HPSE2: variants seen among roughly 807,000 people sequenced by gnomAD.
The protein encoded by HPSE2 is heparanase 2 (inactive).
Under a neutral mutation model 60.5 loss-of-function variants are expected in HPSE2, and 38 were observed. That is an observed-to-expected ratio of 0.63 (90% CI 0.48 to 0.82). The LOEUF (loss-of-function observed/expected upper bound fraction) is 0.82, where lower values mean the gene tolerates loss of function less well. Among genes scored for constraint, HPSE2 ranks in the 40% least tolerant of loss-of-function variants. The pLI is 0.00. For synonymous variants in HPSE2, 295 were observed against 293.2 expected (o/e 1.01, Z -0.06); for missense variants, 713 against 740.4 (o/e 0.96, Z 0.43).
chr10:99,299,330 C>T, the HPSE2 span, among the ~76,000 whole-genome samples: 1 of 152,210 alleles, frequency 6.6e-6, no homozygotes, highest in African/African-American at 2.4e-5. Flanking sequence ...CTTGTGTCTA[C>T]TGCAGGAGGC....
At chr10:99,305,377 A>G in the HPSE2 span, among the ~76,000 whole-genome samples, 3 of 152,234 alleles carry the variant, frequency 2.0e-5, no homozygotes, top group Admixed American at 2.0e-4. Flanking sequence ...TCCTAGGAAC[A>G]GGGAAACAAA....
At chr10:98,903,320 T>C (rs536405955) in intron 3 of HPSE2, among the ~76,000 whole-genome samples, 5 of 152,042 alleles carry the variant, frequency 3.3e-5, no homozygotes, top group African/African-American at 1.2e-4. Context: ...ATTTTTGGAG[T>C]AGTGAAAATG....
chr10:98,699,063 C>T (rs1948323861), intron 5 of HPSE2, among the ~76,000 whole-genome samples: 1 of 150,994 alleles, frequency 6.6e-6, no homozygotes, highest in Non-Finnish European at 1.5e-5. Context: ...ACCAGAGGTA[C>T]AAGGAGGAAC....
chr10:98,695,387 A>C (rs1386420413), intron 5 of HPSE2, among the ~76,000 whole-genome samples: 1 of 152,192 alleles, frequency 6.6e-6, no homozygotes, highest in Admixed American at 6.5e-5. Flanking sequence ...CAAGCAAGAA[A>C]GTAGAAAATG....
chr10:99,197,231 TG>T (rs1294522622), intron 2 of HPSE2, among the ~76,000 whole-genome samples: 1 of 152,022 alleles, frequency 6.6e-6, no homozygotes, highest in African/African-American at 2.4e-5. Context: ...GGAAGGGTCA[TG>T]GGGGGTTGGC....
At chr10:98,534,756 C>T (rs1943231413) in intron 9 of HPSE2, among the ~76,000 whole-genome samples, 2 of 152,194 alleles carry the variant, frequency 1.3e-5, no homozygotes, top group African/African-American at 4.8e-5. Context: ...AAAAATCCAG[C>T]TTAGCACTAA....
chr10:98,929,513 T>C (rs1387000413), intron 3 of HPSE2, among the ~76,000 whole-genome samples: 1 of 144,106 alleles, frequency 6.9e-6, no homozygotes, highest in Non-Finnish European at 1.5e-5. Context: ...AACGAGAAGA[T>C]AAGCCCAGTT....
intron 3 of HPSE2, among the ~76,000 whole-genome samples, chr10:99,027,920 C>A (rs1266724757): frequency 6.6e-6 from 1 of 152,144 alleles, no homozygotes; most frequent in African/African-American, 2.4e-5. Flanking sequence ...ATGATCATTT[C>A]AATTGATGTT....
intron 6 of HPSE2, among the ~76,000 whole-genome samples, chr10:98,685,914 T>C (rs1483427966): frequency 6.6e-6 from 1 of 152,216 alleles, no homozygotes; most frequent in Non-Finnish European, 1.5e-5. Flanking sequence ...AAAGAATTTA[T>C]CTACTTTGTC....
chr10:98,793,910 G>T (rs1950714017), intron 3 of HPSE2, among the ~76,000 whole-genome samples: 1 of 152,170 alleles, frequency 6.6e-6, no homozygotes, highest in South Asian at 2.1e-4. Context: ...AAAGGAAGTG[G>T]CAGGTAGGAT....
At chr10:98,544,930 G>C (rs574428224) in intron 9 of HPSE2, among the ~76,000 whole-genome samples, 86 of 152,048 alleles carry the variant, frequency 5.7e-4, no homozygotes, top group Middle Eastern at 3.4e-3. Flanking sequence ...GAAGAAAAGG[G>C]AGAAGAATCA....
chr10:98,576,350 A>G (rs1475127806), intron 9 of HPSE2, among the ~76,000 whole-genome samples: 1 of 152,162 alleles, frequency 6.6e-6, no homozygotes, highest in Non-Finnish European at 1.5e-5. Context: ...ACAACTGAAG[A>G]CCACAGAGAA....
At chr10:98,492,901 A>C (rs11189634) in intron 9 of HPSE2, among the ~76,000 whole-genome samples, 72,924 of 152,054 alleles carry the variant, frequency 0.48, 21,126 homozygotes, top group South Asian at 0.64. Flanking sequence ...ATAATGTTGT[A>C]TAACCATCAC....
At chr10:99,294,828 C>T in the HPSE2 span, among the ~76,000 whole-genome samples, 48 of 152,152 alleles carry the variant, frequency 3.2e-4, no homozygotes, top group Admixed American at 1.6e-3. Flanking sequence ...TGTACCACCA[C>T]GCCTGTAATC....
intron 3 of HPSE2, among the ~76,000 whole-genome samples, chr10:98,995,770 C>A (rs187532358): frequency 6.6e-6 from 1 of 151,958 alleles, no homozygotes; most frequent in Admixed American, 6.6e-5. Context: ...CAATAATCAA[C>A]CCCCTCAAAA....
intron 3 of HPSE2, among the ~76,000 whole-genome samples, chr10:98,929,387 A>C (rs1456631230): frequency 6.9e-6 from 1 of 144,256 alleles, no homozygotes; most frequent in East Asian, 2.0e-4. Context: ...AAAACTCTAG[A>C]CTTCAGATTT....
chr10:98,849,635 G>A (rs1458495585), intron 3 of HPSE2, among the ~76,000 whole-genome samples: 2 of 152,176 alleles, frequency 1.3e-5, no homozygotes, highest in Non-Finnish European at 2.9e-5. Flanking sequence ...AAGGAAAGAT[G>A]AGAACTGGAG....
chr10:99,213,885 T>C (rs1008816568), intron 2 of HPSE2, among the ~76,000 whole-genome samples: 4 of 152,174 alleles, frequency 2.6e-5, no homozygotes, highest in Non-Finnish European at 5.9e-5. Context: ...AAAACATTTG[T>C]TCTTGAAACG....
chr10:99,302,136 A>G, the HPSE2 span, among the ~76,000 whole-genome samples: 1 of 152,068 alleles, frequency 6.6e-6, no homozygotes, highest in Non-Finnish European at 1.5e-5. Context: ...ACAAGCAGTC[A>G]CTAAGGCAAA....
Sources: gnomAD v4.1 joint callset for allele counts (sites outside exome capture counted in the v4.1 genomes callset) on GRCh38, gnomAD v4.1.1 for gene constraint, MANE v1.5 for transcripts, NCBI Gene and HGNC (gene_info 2026-07-23, HGNC 2026-07-21) for gene names.